The following TEP1 variants were observed in gnomAD, a reference collection of about 807,000 sequenced individuals.
The protein encoded by TEP1 is telomerase protein component 1.
In TEP1, 241 loss-of-function variants were observed where a neutral mutation model predicts 306.3. The ratio of observed to expected loss-of-function variants is 0.79; its 90% confidence interval spans 0.71 to 0.88. TEP1 has a LOEUF of 0.88. Ranked by LOEUF, TEP1 falls within the 40% of genes least tolerant of loss-of-function variation. TEP1 has a pLI of 0.00. For synonymous variants in TEP1, 1,289 were observed against 1,305.5 expected (o/e 0.99, Z 0.27); for missense variants, 3,051 against 3,276.1 (o/e 0.93, Z 1.68).
At chr14:20,397,448 G>T (rs1035463511) in intron 9 of TEP1, among the ~76,000 whole-genome samples, 5 of 152,012 alleles carry the variant, frequency 3.3e-5, no homozygotes, top group Admixed American at 2.6e-4. Flanking sequence ...TGCGAAGGTT[G>T]CAGTGAACCG....
rs779605418 is a variant in TEP1, at chr14:20,384,132, C to T, written c.3440G>A (p.Arg1147His). ...LQKPPSPARP[R>H]LLQDTVQRLM... The stretch of plus-strand genomic sequence containing the variant: ...CCGTTGCACTGTGTCCTGAAGAAGG[C>T]GTGGCCGGGCAGGACTCGGTGGCTT... Residue 1147 changes from arginine to histidine, a missense_variant, in exon 24 of 55, where the codon CGC (arginine) becomes CAC (histidine). Transcript: ENST00000262715. 92 of 1,614,108 alleles carry T rather than the reference C, an allele frequency of 5.7e-5. No individual in the cohort carries two copies. Among genetic ancestry groups the T allele is most frequent in the Non-Finnish European group, 7.5e-5 (89 of 1,180,038 alleles).
Position 20,404,144 on chromosome 14 carries a change from C to G in TEP1, c.1033-260G>C, listed in dbSNP as rs1052931516. On this transcript the variant is annotated intron_variant, in intron 5 of 54. Coordinates refer to ENST00000262715, the MANE Select transcript of TEP1 (RefSeq NM_007110.5). ...CCAAGGCCAGTGGATCACCTGAGGTCAGGCGTTCAAGACCAGCCTGGCCAT... is the reference window on the plus strand; with the variant it reads ...CCAAGGCCAGTGGATCACCTGAGGTGAGGCGTTCAAGACCAGCCTGGCCAT... Among the ~76,000 whole-genome samples the G allele has an allele frequency of 2.6e-5, 4 of 152,236 alleles. No homozygotes were observed. The East Asian group carries it at 7.8e-4, about 30-fold the overall frequency.
intron 11 of TEP1, 67 bp downstream of exon 11, chr14:20,395,792 G>A: frequency 6.5e-7 from 1 of 1,546,844 alleles, no homozygotes. Context: ...TAAAAATATT[G>A]GTGCTGCTGC....
At chr14:20,375,667 T>C in intron 43 of TEP1, 88 bp downstream of exon 43, 1 of 773,250 alleles carries the variant, frequency 1.3e-6, no homozygotes, top group Non-Finnish European at 2.2e-6. Flanking sequence ...CTATTATTAA[T>C]GGGTGCCAGA....
chr14:20,373,719 C>T lies in TEP1; in HGVS notation c.6563G>A (p.Gly2188Glu). The change falls in exon 45 of 55, where the codon GGA becomes GAA. Residue 2188 changes from glycine to glutamate, a missense_variant. Gly to Glu is a moderately conservative substitution (Grantham distance 98, BLOSUM62 -2). This residue lies in a region of TEP1 where 1,540 missense variants were observed against 1,705.9 expected (regional missense o/e 0.90). Transcript: ENST00000262715. The stretch of plus-strand genomic sequence containing the variant: ...GGCAGCTGCACAGTGGCTAATGGGT[C>T]CTGAGTGAGCAGGGATGCTGGTCAG... ...VELTSIPAHS[G>E]PISHCAAAME... is the part of the protein sequence containing the mutation. The T allele has an allele frequency of 6.2e-7, 1 of 1,614,210 alleles. No homozygotes were observed. Among genetic ancestry groups the T allele is most frequent in the Non-Finnish European group, 8.5e-7 (1 of 1,180,042 alleles).
chr14:20,390,851 AT>A, intron 14 of TEP1, 86 bp downstream of exon 14: 1 of 1,612,124 alleles, frequency 6.2e-7, no homozygotes, highest in Non-Finnish European at 8.5e-7. Flanking sequence ...AGAACTGTGT[AT>A]TGTCTGTGCC....
Position 20,393,080 on chromosome 14 carries a change from G to A in TEP1, c.1929-1313C>T, listed in dbSNP as rs144651230. Among the ~76,000 whole-genome samples, 3 of 152,076 alleles carry A rather than the reference G, an allele frequency of 2.0e-5. No homozygotes were observed. The East Asian group carries it at 5.8e-4, about 29-fold the overall frequency. ...AAATACAAAAAAATTAGCCGGGCGT[G>A]GTGGTGGGTGCCTGCAGTCCCAGCT... is the stretch of plus-strand genomic sequence containing the variant. On this transcript the variant is annotated intron_variant, in intron 12 of 54. Coordinates refer to ENST00000262715, the MANE Select transcript of TEP1 (RefSeq NM_007110.5).
chr14:20,369,184 T>A (rs904509880), intron 53 of TEP1, among the ~76,000 whole-genome samples, 160 bp downstream of exon 53: 1 of 151,970 alleles, frequency 6.6e-6, no homozygotes, highest in Non-Finnish European at 1.5e-5. Context: ...ATTTTTTGTA[T>A]TTTTTAGTAG....
chr14:20,385,223 A>G, intron 20 of TEP1, 114 bp from the exon 21 acceptor site: 1 of 1,347,002 alleles, frequency 7.4e-7, no homozygotes, highest in Non-Finnish European at 1.0e-6. Context: ...CCTTCCCTCC[A>G]GGCACAAGCA....
rs760339144 is a variant in TEP1 at position 20,378,206 on chromosome 14, T to G, written c.5539A>C (p.Thr1847Pro). The G allele has an allele frequency of 6.2e-7, 1 of 1,613,498 alleles. No individual in the cohort carries two copies. The highest frequency in any genetic ancestry group is 8.5e-7 in the Non-Finnish European group (1 of 1,179,990). The change falls in exon 39 of 55, where the codon ACC becomes CCC. Residue 1847 changes from threonine (T) to proline (P), a missense_variant. By Grantham distance (38) the Thr-to-Pro change is conservative. Around this residue, in one of 3 missense-constraint regions of TEP1, gnomAD observed 1,540 missense variants for 1,705.9 expected, o/e 0.90. Transcript: ENST00000262715. The part of the protein sequence containing the change: ...DLGAPGASIR[T>P]LAFNVPGGVV... ...CCCCCAGGCACATTGAAGGCCAAGG[T>G]ACGGATAGAGGCTCCGGGTGCCCCC...
At chr14:20,375,235 C>T (rs776914763) in intron 43 of TEP1, among the ~76,000 whole-genome samples, 13 of 152,020 alleles carry the variant, frequency 8.6e-5, no homozygotes, top group Non-Finnish European at 1.0e-4. Context: ...TGCAATGGCG[C>T]GACCTCTGCC....
chr14:20,391,572 C>T, intron 13 of TEP1, 27 bp downstream of exon 13: 2 of 1,603,098 alleles, frequency 1.2e-6, no homozygotes, highest in African/African-American at 2.7e-5. Flanking sequence ...AACCCAACCC[C>T]TTGGAGGATG....
chr14:20,374,536 T>G lies in TEP1; in HGVS notation c.6364A>C (p.Ile2122Leu), dbSNP rs765729428. The change falls in exon 44 of 55, where the codon ATA (isoleucine) becomes CTA (leucine). Residue 2122 changes from isoleucine (I) to leucine (L), a missense_variant and splice_region_variant. Transcript: ENST00000262715. ...GCAWTKDNLL[I>L]SCSSDGSVGL... ...ACAGAGCCATCACTGGAGCAGGATA[T>G]CTACAGAGTCAGAAGTCAGAGGAGT... The G allele has an allele frequency of 1.9e-5, 30 of 1,609,230 alleles. No individual in the cohort carries two copies. In the East Asian group the frequency reaches 6.2e-4, roughly 33 times the overall value.
Position 20,391,088 on chromosome 14 carries a change from C to T in TEP1, c.2106G>A (p.Leu702=). Reference sequence around the variant, plus strand: ...TCCCAATCAACAGCAGTGCATAGTTCAGCGGGGGCTGATTGGACAAGTGTC... The same window carrying T: ...TCCCAATCAACAGCAGTGCATAGTTTAGCGGGGGCTGATTGGACAAGTGTC... ...CPKSNPQGPP[L]NYALLLIGMM... Residue 702 remains leucine (L), a synonymous_variant, in exon 14 of 55, where the codon CTG becomes CTA. Transcript: ENST00000262715. The T allele has an allele frequency of 6.2e-7, 1 of 1,614,034 alleles. No homozygotes were observed. The highest frequency in any genetic ancestry group is 8.5e-7 in the Non-Finnish European group (1 of 1,180,014).
chr14:20,381,164 A>T lies in TEP1; in HGVS notation c.4648-119T>A, dbSNP rs1048887333. On this transcript the variant is annotated intron_variant, in intron 32 of 54. Transcript: ENST00000262715. The surrounding 1 kb of genome is among the most constrained non-coding windows in gnomAD (Gnocchi z 4.0). ...AGCTGGGACAAAGGACTTGAAGAAG[A>T]AGGGCAGGAAAACTGAAAGGAAAGA... is the stretch of plus-strand genomic sequence containing the variant. The T allele has an allele frequency of 8.3e-7, 1 of 1,208,716 alleles. No individual in the cohort carries two copies. The highest frequency in any genetic ancestry group is 1.2e-6 in the Non-Finnish European group (1 of 815,806). The allele number at this position is 1,208,716 out of a possible 1,614,324, so 74.9% of individuals were successfully genotyped here. A position where few individuals can be genotyped will look rare whatever the true frequency, so the allele number is the denominator to read the frequency against.
chr14:20,377,071 C>A (rs550336416), intron 41 of TEP1, among the ~76,000 whole-genome samples: 142 of 152,082 alleles, frequency 9.3e-4, no homozygotes, highest in Non-Finnish European at 1.0e-3. Flanking sequence ...TAAAATTAGC[C>A]GGGCGTGGAG....
At position 20,383,207 on chromosome 14, in the gene TEP1, C is replaced by T; in HGVS notation, c.4014G>A (p.Gly1338=). The T allele has an allele frequency of 6.2e-7, 1 of 1,611,354 alleles. No individual in the cohort carries two copies. Among genetic ancestry groups the T allele is most frequent in the Non-Finnish European group, 8.5e-7 (1 of 1,179,026 alleles). ...RLVREELALY[G]KRLEESPFNN... is the part of the protein sequence containing the mutation. ...TAAATGGTGACTCCTCCAGCCGCTT[C>T]CCGTACAGGGCCAGCTCCTCTCTCA... The change falls in exon 27 of 55, where the codon GGG becomes GGA. Residue 1338 remains glycine, a synonymous_variant. Transcript: ENST00000262715.
Position 20,368,410 on chromosome 14 carries a change from G to A in TEP1, c.*27C>T. The A allele has an allele frequency of 6.2e-7, 1 of 1,611,884 alleles. No individual in the cohort carries two copies. The highest frequency in any genetic ancestry group is 1.3e-5 in the African/African-American group (1 of 74,980). ...AGGCTTTGCATCTCTAGCACAAGGG[G>A]TATCATTATTCCCGAGTGGCACATC... is the stretch of plus-strand genomic sequence containing the variant. On this transcript the variant is annotated 3_prime_UTR_variant, in exon 55 of 55. Coordinates refer to ENST00000262715, the MANE Select transcript of TEP1 (RefSeq NM_007110.5).
chr14:20,375,795 T>C lies in TEP1; in HGVS notation c.6323A>G (p.Asp2108Gly). The C allele has an allele frequency of 6.2e-7, 1 of 1,613,660 alleles. No homozygotes were observed. Among genetic ancestry groups the C allele is most frequent in the Non-Finnish European group, 8.5e-7 (1 of 1,179,960 alleles). The change falls in exon 43 of 55, where the codon GAC becomes GGC. Residue 2108 changes from aspartate (D) to glycine (G), a missense_variant. Physicochemically the swap from Asp to Gly is moderately conservative, Grantham distance 94. Around this residue, in one of 3 missense-constraint regions of TEP1, gnomAD observed 1,540 missense variants for 1,705.9 expected, o/e 0.90. Transcript: ENST00000262715. ...GGTCCAGGCACAGCCAGTGACCCAGTCACGGTGACAGGCAGGGAAGGAGTG... is the reference window on the plus strand; with the variant it reads ...GGTCCAGGCACAGCCAGTGACCCAGCCACGGTGACAGGCAGGGAAGGAGTG... ...LIHSFPACHR[D>G]WVTGCAWTKD...
Sources: gnomAD v4.1 joint callset for allele counts (sites outside exome capture counted in the v4.1 genomes callset) on GRCh38, gnomAD v4.1.1 for gene constraint, gnomAD v4.1.1 regional missense constraint, Gnocchi (gnomAD v3.1) non-coding constraint, MANE v1.5 for transcripts, NCBI Gene and HGNC (gene_info 2026-07-23, HGNC 2026-07-21) for gene names.